The following BTN3A1 variants were observed in gnomAD, a reference collection of about 807,000 sequenced individuals.
BTN3A1 encodes butyrophilin subfamily 3 member A1.
Under a neutral mutation model 43.0 loss-of-function variants are expected in BTN3A1, and 24 were observed. The observed-to-expected ratio is 0.56, with a 90% confidence interval of 0.40 to 0.78. The LOEUF is 0.78. Ranked by LOEUF, BTN3A1 falls within the 30% of genes least tolerant of loss-of-function variation. BTN3A1 has a pLI of 0.00. For synonymous variants in BTN3A1, 181 were observed against 234.7 expected (o/e 0.77, Z 2.09); for missense variants, 533 against 626.2 (o/e 0.85, Z 1.59).
At position 26,415,110 on chromosome 6, in the gene BTN3A1, C is replaced by A. The variant is rs1762342128; in HGVS notation, c.*1418C>A. The A allele has an allele frequency of 6.6e-6, 1 of 152,172 alleles. No individual in the cohort carries two copies. Among genetic ancestry groups the A allele is most frequent in the Admixed American group, 6.5e-5 (1 of 15,272 alleles). 9.4% of individuals were successfully genotyped at this position (152,172 alleles called of 1,614,324 possible). ...TGCTGCCTGCTAGGGAAAAACTACT[C>A]CTCATTATCATCATTATTATTGCTC... On this transcript the variant is annotated 3_prime_UTR_variant, in exon 10 of 10. Coordinates refer to ENST00000289361, the MANE Select transcript of BTN3A1 (RefSeq NM_007048.6).
chr6:26,411,746 C>T lies in BTN3A1; in HGVS notation c.1018+165C>T, dbSNP rs1762227859. The T allele has an allele frequency of 3.6e-6, 3 of 822,870 alleles. No individual in the cohort carries two copies. The African/African-American group carries it at 5.2e-5, about 14-fold the overall frequency. 51.0% of individuals were successfully genotyped at this position (822,870 alleles called of 1,614,324 possible). A position where few individuals can be genotyped will look rare whatever the true frequency, so the allele number is the denominator to read the frequency against. On this transcript the variant is annotated intron_variant, in intron 9 of 9. Coordinates refer to ENST00000289361, the MANE Select transcript of BTN3A1 (RefSeq NM_007048.6). The stretch of plus-strand genomic sequence containing the variant: ...TCCAATCTGAAAAGTGGGCCCATCT[C>T]CAAGACCCTTTCTGCTGAGAGCCCA...
Position 26,411,109 on chromosome 6 carries a change from G to C in BTN3A1, c.965G>C (p.Arg322Pro). The part of the protein sequence containing the change: ...LRWRSIQYAS[R>P]GERHSAYNEW... ...CATCTCTATCTTTTTTTCATTGTAG[G>C]GGGAGAGAGACATTCAGCCTATAAT... The change falls in exon 8 of 10, where the codon CGG (arginine) becomes CCG (proline). Residue 322 changes from arginine (R) to proline (P), a missense_variant and splice_region_variant. By Grantham distance (103) the Arg-to-Pro change is moderately radical. Around this residue, in one of 4 missense-constraint regions of BTN3A1, gnomAD observed 415 missense variants for 427.0 expected, o/e 0.97. Coordinates refer to ENST00000289361, the MANE Select transcript of BTN3A1 (RefSeq NM_007048.6). 1 of 1,604,838 alleles carries C rather than the reference G, an allele frequency of 6.2e-7. No individual in the cohort carries two copies. Among genetic ancestry groups the C allele is most frequent in the Non-Finnish European group, 8.5e-7 (1 of 1,176,066 alleles).
intron 9 of BTN3A1, 43 bp downstream of exon 9, chr6:26,411,624 G>A (rs750852378): frequency 6.3e-7 from 1 of 1,594,208 alleles, no homozygotes; most frequent in African/African-American, 1.4e-5. Flanking sequence ...CAACCTGAGG[G>A]ACTATATTCC....
chr6:26,404,466 C>T (rs3799379), intron 1 of BTN3A1: 78,747 of 152,102 alleles, frequency 0.52, 22,639 homozygotes, highest in African/African-American at 0.78. Context: ...AGCTTTGCTT[C>T]TGTTCTTCAA....
At position 26,413,401 on chromosome 6, in the gene BTN3A1, G is replaced by C. The variant is rs2113812506; in HGVS notation, c.1251G>C (p.Gln417His). The C allele has an allele frequency of 6.2e-7, 1 of 1,614,132 alleles. No homozygotes were observed. The highest frequency in any genetic ancestry group is 1.1e-5 in the South Asian group (1 of 91,084). ...TAGGGGTGTGCAGTAAGAATGTGCA[G>C]AGAAAAGGCTGGGTCAAAATGACAC... ...WHIGVCSKNV[Q>H]RKGWVKMTPE... The change falls in exon 10 of 10, where the codon CAG (glutamine) becomes CAC (histidine). Residue 417 changes from glutamine (Q) to histidine (H), a missense_variant. Gln to His is a conservative substitution (Grantham distance 24). Coordinates refer to ENST00000289361, the MANE Select transcript of BTN3A1 (RefSeq NM_007048.6).
At position 26,411,000 on chromosome 6, in the gene BTN3A1, T is replaced by TAAAAAAAAAAAAAAAAAAA. The variant is rs1170183887; in HGVS notation, c.965-104_965-86dup. The TAAAAAAAAAAAAAAAAAAA allele has an allele frequency of 3.3e-5, 12 of 359,642 alleles. 1 individual carries two copies. Among genetic ancestry groups the TAAAAAAAAAAAAAAAAAAA allele is most frequent in the African/African-American group, 1.9e-4 (4 of 21,120 alleles). The allele number at this position is 359,642 out of a possible 1,614,324, so 22.3% of individuals were successfully genotyped here. On this transcript the variant is annotated intron_variant, in intron 7 of 9. Transcript: ENST00000289361. ...CTGCAGAGGAGGAAGATACAGGTGG[T>TAAAAAAAAAAAAAAAAAAA]AAAAAAAAAAAAAAAAAAAAAAAGA...
In BTN3A1 at chr6:26,405,579, T is replaced by C; in HGVS notation, c.16T>C (p.Phe6Leu). Residue 6 changes from phenylalanine (F) to leucine (L), a missense_variant, in exon 2 of 10, where the codon TTC (phenylalanine) becomes CTC (leucine). Coordinates refer to ENST00000289361, the MANE Select transcript of BTN3A1 (RefSeq NM_007048.6). ...TGCAGCATGAATGAAAATGGCAAGT[T>C]TCCTGGCCTTCCTTCTGCTCAACTT... Reference protein sequence around the residue: MKMASFLAFLLLNFRV... With the variant: MKMASLLAFLLLNFRV... 6.2e-7 allele frequency: 1 copy of C among 1,614,160 alleles called. No homozygotes were observed. The highest frequency in any genetic ancestry group is 8.5e-7 in the Non-Finnish European group (1 of 1,180,024).
intron 8 of BTN3A1, 76 bp from the exon 9 acceptor site, chr6:26,411,479 G>A: frequency 1.3e-6 from 2 of 1,508,448 alleles, no homozygotes; most frequent in African/African-American, 1.4e-5. Context: ...GAGAAAACAT[G>A]TAGTGAGGGG....
chr6:26,407,593 T>G, intron 3 of BTN3A1, 78 bp from the exon 4 acceptor site: 3 of 1,498,076 alleles, frequency 2.0e-6, no homozygotes, highest in Non-Finnish European at 2.7e-6. Context: ...TTATGGAATG[T>G]GAGTGTGCCA....
Position 26,413,159 on chromosome 6 carries a change from C to T in BTN3A1, c.1019-10C>T. Reference sequence around the variant, plus strand: ...TTGACCTCATGGACACTTCCTCAAACTCTCTGCAGCGGATGTGATTCTGGA... The same window carrying T: ...TTGACCTCATGGACACTTCCTCAAATTCTCTGCAGCGGATGTGATTCTGGA... On this transcript the variant is annotated splice_polypyrimidine_tract_variant and intron_variant, in intron 9 of 9. Transcript: ENST00000289361. The T allele has an allele frequency of 6.2e-7, 1 of 1,603,188 alleles. No individual in the cohort carries two copies. The highest frequency in any genetic ancestry group is 8.5e-7 in the Non-Finnish European group (1 of 1,174,496).
At chr6:26,409,047 T>C (rs1199066979) in intron 4 of BTN3A1, among the ~76,000 whole-genome samples, 1 of 151,988 alleles carries the variant, frequency 6.6e-6, no homozygotes, top group Non-Finnish European at 1.5e-5. Context: ...AAGTAATTAG[T>C]CTAAAGTCAC....
chr6:26,402,304 T>A lies in BTN3A1; in HGVS notation c.-301T>A, dbSNP rs1237287811. On this transcript the variant is annotated 5_prime_UTR_variant, in exon 1 of 10. Transcript: ENST00000289361. Reference sequence around the variant, plus strand: ...CTCACGATGACCCGACAGTCTCTGCTTTCTTTTTCCTTTCTTCCAGAAGGA... The same window carrying A: ...CTCACGATGACCCGACAGTCTCTGCATTCTTTTTCCTTTCTTCCAGAAGGA... 2.0e-5 allele frequency: 3 copies of A among 152,258 alleles called. No homozygotes were observed. Among genetic ancestry groups the A allele is most frequent in the African/African-American group, 7.2e-5 (3 of 41,464 alleles). 9.4% of individuals were successfully genotyped at this position (152,258 alleles called of 1,614,324 possible). A position where few individuals can be genotyped will look rare whatever the true frequency, so the allele number is the denominator to read the frequency against.
chr6:26,406,915 C>T (rs184700479), intron 3 of BTN3A1, among the ~76,000 whole-genome samples: 159 of 152,252 alleles, frequency 1.0e-3, no homozygotes, highest in African/African-American at 3.8e-3. Flanking sequence ...GAGTGAGAAC[C>T]TTAATCAATC....
intron 9 of BTN3A1, 88 bp downstream of exon 9, chr6:26,411,669 G>A: frequency 1.3e-6 from 2 of 1,486,678 alleles, no homozygotes; most frequent in Non-Finnish European, 1.8e-6. Flanking sequence ...GTTGTGATTT[G>A]GGGAAGAAAA....
At chr6:26,412,311 T>G (rs1762247305) in intron 9 of BTN3A1, 1 of 635,392 alleles carries the variant, frequency 1.6e-6, no homozygotes, top group Non-Finnish European at 2.9e-6. Flanking sequence ...GAGAAGAGTC[T>G]TCAGGCCTTG....
chr6:26,405,591 C>T lies in BTN3A1; in HGVS notation c.28C>T (p.Leu10Phe). Reference sequence around the variant, plus strand: ...GAAAATGGCAAGTTTCCTGGCCTTCCTTCTGCTCAACTTTCGTGTCTGCCT... The same window carrying T: ...GAAAATGGCAAGTTTCCTGGCCTTCTTTCTGCTCAACTTTCGTGTCTGCCT... MKMASFLAF[L>F]LLNFRVCLLL... The change falls in exon 2 of 10, where the codon CTT (leucine) becomes TTT (phenylalanine). Residue 10 changes from leucine to phenylalanine, a missense_variant. By Grantham distance (22) the Leu-to-Phe change is conservative. Around this residue, in one of 4 missense-constraint regions of BTN3A1, gnomAD observed 56 missense variants for 67.1 expected, o/e 0.83. Coordinates refer to ENST00000289361, the MANE Select transcript of BTN3A1 (RefSeq NM_007048.6). The T allele has an allele frequency of 6.2e-7, 1 of 1,614,194 alleles. No homozygotes were observed. The highest frequency in any genetic ancestry group is 8.5e-7 in the Non-Finnish European group (1 of 1,180,034).
intron 4 of BTN3A1, among the ~76,000 whole-genome samples, chr6:26,408,266 C>T (rs1344518950): frequency 6.6e-6 from 1 of 151,680 alleles, no homozygotes; most frequent in African/African-American, 2.4e-5. Flanking sequence ...TATACAAACT[C>T]ATAGAGAAAG....
rs1383601299 is a variant in BTN3A1 at position 26,405,463 on chromosome 6, T to C, written c.-101T>C. 2 of 1,160,746 alleles carry C rather than the reference T, an allele frequency of 1.7e-6. No homozygotes were observed. The highest frequency in any genetic ancestry group is 2.6e-6 in the Non-Finnish European group (2 of 776,840). 71.9% of individuals were successfully genotyped at this position (1,160,746 alleles called of 1,614,324 possible). Reference sequence around the variant, plus strand: ...TCTTCTTCGGTCACCATACTTGAGTTAGCTCTAGGGAAGTGGAGGTTTCCA... The same window carrying C: ...TCTTCTTCGGTCACCATACTTGAGTCAGCTCTAGGGAAGTGGAGGTTTCCA... On this transcript the variant is annotated 5_prime_UTR_variant, in exon 2 of 10. It removes the in-frame stop codon of an upstream open reading frame in the 5' UTR. Coordinates refer to ENST00000289361, the MANE Select transcript of BTN3A1 (RefSeq NM_007048.6).
At chr6:26,412,161 G>A (rs1209127026) in intron 9 of BTN3A1, 2 of 420,878 alleles carry the variant, frequency 4.8e-6, no homozygotes, top group Non-Finnish European at 8.6e-6. Flanking sequence ...GAGGGTTAAG[G>A]GAAAGCAACA....
Sources: allele counts gnomAD v4.1 joint callset (sites outside exome capture counted in the v4.1 genomes callset), GRCh38; gene constraint gnomAD v4.1.1; regional missense constraint gnomAD v4.1.1; transcripts MANE v1.5; gene names NCBI Gene and HGNC (gene_info 2026-07-23, HGNC 2026-07-21).